Variants in MGMT observed in about 807,000 individuals in gnomAD.
MGMT encodes the protein methylated-DNA--protein-cysteine methyltransferase.
In MGMT, 14 loss-of-function variants were observed where a neutral mutation model predicts 15.9. The ratio of observed to expected loss-of-function variants is 0.88; its 90% CI spans 0.58 to 1.37. The LOEUF (loss-of-function observed/expected upper bound fraction) is 1.37. Ranked by LOEUF, MGMT falls within the 40% of genes most tolerant of loss-of-function variation. MGMT has a pLI of 0.00. For missense variants in MGMT, 282 were observed against 268.1 expected, an observed-to-expected ratio of 1.05 and a Z score of -0.36; for synonymous variants, 130 against 118.2, an observed-to-expected ratio of 1.10 and a Z score of -0.65.
chr10:129,490,442 C>T (rs1444146177), intron 1 of MGMT, among the ~76,000 whole-genome samples: 1 of 152,072 alleles, frequency 6.6e-6, no homozygotes, highest in Non-Finnish European at 1.5e-5. Flanking sequence ...TAATTTATTG[C>T]TTTTAACTTT....
At chr10:129,613,380 G>A (rs1249866179) in intron 2 of MGMT, among the ~76,000 whole-genome samples, 2 of 152,172 alleles carry the variant, frequency 1.3e-5, no homozygotes, top group African/African-American at 4.8e-5. Flanking sequence ...CTTGGTCCGG[G>A]CACTTAGGTG....
At chr10:129,517,660 G>A (rs1166569215) in intron 1 of MGMT, among the ~76,000 whole-genome samples, 1 of 152,168 alleles carries the variant, frequency 6.6e-6, no homozygotes, top group Admixed American at 6.5e-5. Context: ...GTGGCCATGA[G>A]CGAGAGCGCT....
At chr10:129,657,729 C>CACACACACACACACCCA (rs1564750921) in intron 2 of MGMT, among the ~76,000 whole-genome samples, 1 of 122,292 alleles carries the variant, frequency 8.2e-6, no homozygotes, top group African/African-American at 3.2e-5. Context: ...ACACACACAC[C>CACACACACACACACCCA]CCCTCTCCCC....
Position 129,689,735 on chromosome 10 carries a change from A to T in MGMT, c.126-18160A>T, listed in dbSNP as rs150059749. 5.2e-4 allele frequency among the ~76,000 whole-genome samples: 79 copies of T among 152,316 alleles called. 1 individual carries two copies. Among genetic ancestry groups the T allele is most frequent in the Non-Finnish European group, 9.7e-4 (66 of 68,018 alleles). The stretch of plus-strand genomic sequence containing the variant: ...AGATTCTTGGCTTAACTCTTGATCC[A>T]ACTCTGATCAGCTTGGCCAAGACTA... On this transcript the variant is annotated intron_variant, in intron 2 of 4. Coordinates refer to ENST00000651593, the MANE Select transcript of MGMT (RefSeq NM_002412.5).
intron 2 of MGMT, among the ~76,000 whole-genome samples, chr10:129,668,004 T>G (rs1847679100): frequency 6.6e-6 from 1 of 152,252 alleles, no homozygotes; most frequent in East Asian, 1.9e-4. Flanking sequence ...CCATATATGT[T>G]GAAAGTATCT....
At chr10:129,493,317 AG>A (rs1845488242) in intron 1 of MGMT, among the ~76,000 whole-genome samples, 1 of 152,052 alleles carries the variant, frequency 6.6e-6, no homozygotes, top group Admixed American at 6.5e-5. Context: ...GAGCGTCTGG[AG>A]GTCATGAGGT....
chr10:129,733,420 T>C lies in MGMT; in HGVS notation c.274+25377T>C, dbSNP rs1283346795. Reference sequence around the variant, plus strand: ...TTGATGGGGTTGTTTGTTTTTTTCTTGTAAATTTGTTTGAGTTCATTGTAG... The same window carrying C: ...TTGATGGGGTTGTTTGTTTTTTTCTCGTAAATTTGTTTGAGTTCATTGTAG... On this transcript the variant is annotated intron_variant, in intron 3 of 4. Transcript: ENST00000651593. 4.0e-5 allele frequency among the ~76,000 whole-genome samples: 6 copies of C among 151,794 alleles called. No homozygotes were observed. In the East Asian group the frequency reaches 1.2e-3, roughly 29 times the overall value.
At chr10:129,755,553 T>C (rs887937845) in intron 3 of MGMT, among the ~76,000 whole-genome samples, 2 of 152,144 alleles carry the variant, frequency 1.3e-5, no homozygotes, top group African/African-American at 4.8e-5. Flanking sequence ...AGGATGCCCC[T>C]TCCCCCCAGG....
intron 2 of MGMT, among the ~76,000 whole-genome samples, chr10:129,578,194 A>G (rs1232034002): frequency 2.6e-5 from 4 of 152,316 alleles, no homozygotes; most frequent in African/African-American, 9.6e-5. Context: ...TATATACCCA[A>G]AGGATTATAA....
intron 2 of MGMT, among the ~76,000 whole-genome samples, chr10:129,636,083 G>T (rs1207951412): frequency 1.3e-5 from 2 of 152,178 alleles, no homozygotes; most frequent in Non-Finnish European, 2.9e-5. Context: ...TTTTTCTCAA[G>T]TTAGTTAAGA....
At chr10:129,594,841 G>A (rs3915924) in intron 2 of MGMT, among the ~76,000 whole-genome samples, 6,849 of 152,224 alleles carry the variant, frequency 0.045, 201 homozygotes, top group Middle Eastern at 0.078. Flanking sequence ...TGTTGGTGAC[G>A]CTGACATGTA....
chr10:129,715,006 G>T (rs1236865874), intron 3 of MGMT, among the ~76,000 whole-genome samples: 2 of 152,154 alleles, frequency 1.3e-5, no homozygotes, highest in African/African-American at 4.8e-5. Flanking sequence ...GTTCCCTGAG[G>T]TTCCGTGAGT....
In MGMT at chr10:129,519,868, C is replaced by T. The variant is rs551023654; in HGVS notation, c.-12-16373C>T. Among the ~76,000 whole-genome samples the T allele has an allele frequency of 1.3e-4, 20 of 152,118 alleles. No homozygotes were observed. In the South Asian group the frequency reaches 2.7e-3, roughly 21 times the overall value. On this transcript the variant is annotated intron_variant, in intron 1 of 4. Transcript: ENST00000651593. ...GCATTGCTTTGCATTAGAGGATAGC[C>T]GGCCTCTCTACACCATGACTTAGAA...
intron 2 of MGMT, among the ~76,000 whole-genome samples, chr10:129,599,459 T>C (rs572208242): frequency 6.6e-6 from 1 of 152,358 alleles, no homozygotes; most frequent in Admixed American, 6.5e-5. Flanking sequence ...TGGGTATTCC[T>C]CTCATCTTGC....
intron 1 of MGMT, among the ~76,000 whole-genome samples, chr10:129,510,954 G>A (rs1845675441): frequency 6.7e-6 from 1 of 149,532 alleles, no homozygotes; most frequent in Admixed American, 6.7e-5. Flanking sequence ...TATACCAGAT[G>A]CAGCCACGTG....
At chr10:129,599,879 C>T (rs997133095) in intron 2 of MGMT, among the ~76,000 whole-genome samples, 27 of 152,162 alleles carry the variant, frequency 1.8e-4, no homozygotes, top group Admixed American at 6.5e-4. Flanking sequence ...CCATCTGATG[C>T]GGATCAAGTG....
chr10:129,664,589 A>C (rs1847636118), intron 2 of MGMT, among the ~76,000 whole-genome samples: 1 of 152,244 alleles, frequency 6.6e-6, no homozygotes, highest in South Asian at 2.1e-4. Context: ...CCTAGTTCCC[A>C]GTCTTATTTT....
At chr10:129,586,843 C>T (rs1344623231) in intron 2 of MGMT, among the ~76,000 whole-genome samples, 1 of 152,158 alleles carries the variant, frequency 6.6e-6, no homozygotes, top group Admixed American at 6.5e-5. Context: ...TTTTTATGAA[C>T]AGTGGGTGGG....
chr10:129,570,129 G>T (rs1846400267), intron 2 of MGMT, among the ~76,000 whole-genome samples: 1 of 152,230 alleles, frequency 6.6e-6, no homozygotes, highest in South Asian at 2.1e-4. Flanking sequence ...GCAGCAGACT[G>T]CCCACACATT....
Sources: gnomAD v4.1 joint callset for allele counts (sites outside exome capture counted in the v4.1 genomes callset) on GRCh38, gnomAD v4.1.1 for gene constraint, MANE v1.5 for transcripts, NCBI Gene and HGNC (gene_info 2026-07-23, HGNC 2026-07-21) for gene names.